Variants in PRKCB observed in about 807,000 individuals in gnomAD.
PRKCB encodes protein kinase C beta type.
PRKCB carries 13 observed loss-of-function variants against 81.5 expected under a neutral mutation model. The observed-to-expected ratio is 0.16, with a 90% CI of 0.10 to 0.25. The LOEUF (loss-of-function observed/expected upper bound fraction) is 0.25. Ranked by LOEUF, PRKCB falls within the 10% of genes least tolerant of loss-of-function variation. The pLI, the probability that PRKCB is intolerant of heterozygous loss-of-function variation, is 1.00. For synonymous variants in PRKCB, 335 were observed against 321.4 expected (o/e 1.04, Z -0.45); for missense variants, 509 against 875.7 (o/e 0.58, Z 5.29).
chr16:24,071,436 TAAAAAAAAAAAAAAAAA>T (rs398042091), intron 5 of PRKCB, among the ~76,000 whole-genome samples: 1 of 57,276 alleles, frequency 1.7e-5, no homozygotes, highest in African/African-American at 5.8e-5. Context: ...AGACCCTGTC[TAAAAAAAAAAAAAAAAA>T]AAAAAAAAAG....
At chr16:23,883,637 G>T (rs1052871497) in intron 2 of PRKCB, among the ~76,000 whole-genome samples, 2 of 152,224 alleles carry the variant, frequency 1.3e-5, no homozygotes, top group Admixed American at 1.3e-4. Context: ...GTGAGAGATG[G>T]TGTCTTTGTC....
intron 10 of PRKCB, among the ~76,000 whole-genome samples, chr16:24,161,579 G>T (rs1419414679): frequency 6.6e-6 from 1 of 152,150 alleles, no homozygotes; most frequent in Non-Finnish European, 1.5e-5. Flanking sequence ...CCAGAAGGGG[G>T]TTGAGTTTTC....
chr16:23,859,733 G>T (rs981692133), intron 2 of PRKCB, among the ~76,000 whole-genome samples: 1 of 152,060 alleles, frequency 6.6e-6, no homozygotes, highest in African/African-American at 2.4e-5. Flanking sequence ...AAGTACCCGG[G>T]GATGTTTAGC....
At chr16:24,168,798 A>G (rs925158230) in intron 10 of PRKCB, among the ~76,000 whole-genome samples, 7 of 138,876 alleles carry the variant, frequency 5.0e-5, no homozygotes, top group Admixed American at 7.6e-5. Flanking sequence ...GCCTCAAGTG[A>G]TTTTCCTGTC....
chr16:24,172,857 T>G (rs1338957259), intron 11 of PRKCB, among the ~76,000 whole-genome samples: 3 of 152,188 alleles, frequency 2.0e-5, no homozygotes, highest in Non-Finnish European at 4.4e-5. Flanking sequence ...ATTTTATGTG[T>G]CCATTTGCTA....
intron 5 of PRKCB, among the ~76,000 whole-genome samples, chr16:24,074,589 A>G (rs1480211582): frequency 6.6e-6 from 1 of 152,220 alleles, no homozygotes; most frequent in African/African-American, 2.4e-5. Context: ...TTGGCTTACT[A>G]AAAAAGAACA....
At chr16:23,867,228 C>T (rs1268320704) in intron 2 of PRKCB, among the ~76,000 whole-genome samples, 2 of 152,124 alleles carry the variant, frequency 1.3e-5, no homozygotes, top group African/African-American at 2.4e-5. Context: ...CAGGTTCAAG[C>T]GATTCTCCTG....
intron 16 of PRKCB, among the ~76,000 whole-genome samples, chr16:24,204,740 A>C (rs1298477438): frequency 6.6e-6 from 1 of 152,242 alleles, no homozygotes; most frequent in Non-Finnish European, 1.5e-5. Flanking sequence ...TCATCTATTC[A>C]TCCAGCCATC....
chr16:24,175,333 C>A (rs1471240718), intron 12 of PRKCB, among the ~76,000 whole-genome samples: 1 of 152,038 alleles, frequency 6.6e-6, no homozygotes, highest in African/African-American at 2.4e-5. Context: ...CCACAAGAGT[C>A]TCTTCCATTC....
chr16:23,904,025 C>A (rs748358714), intron 2 of PRKCB, among the ~76,000 whole-genome samples: 21 of 152,178 alleles, frequency 1.4e-4, no homozygotes, highest in Non-Finnish European at 2.6e-4. Flanking sequence ...TTCAAGTCCT[C>A]GTTTGTGTCT....
intron 9 of PRKCB, among the ~76,000 whole-genome samples, chr16:24,141,845 A>G (rs914720882): frequency 6.6e-6 from 1 of 152,122 alleles, no homozygotes; most frequent in African/African-American, 2.4e-5. Flanking sequence ...TTGTGTAAGG[A>G]TCTCCCAGGA....
chr16:24,178,998 T>G (rs1178841136), intron 12 of PRKCB, among the ~76,000 whole-genome samples: 1 of 152,226 alleles, frequency 6.6e-6, no homozygotes, highest in Non-Finnish European at 1.5e-5. Context: ...ACCCTCCCTC[T>G]AGGCTCTGCT....
At chr16:24,097,163 A>C (rs1041441234) in intron 7 of PRKCB, among the ~76,000 whole-genome samples, 1 of 150,438 alleles carries the variant, frequency 6.6e-6, no homozygotes, top group Non-Finnish European at 1.5e-5. Context: ...CAGCCTCCCG[A>C]GTAGCTGGGA....
chr16:24,113,505 C>G (rs1211736400), intron 8 of PRKCB, among the ~76,000 whole-genome samples: 2 of 129,176 alleles, frequency 1.5e-5, no homozygotes, highest in Non-Finnish European at 3.2e-5. Flanking sequence ...TTCCTCCCTT[C>G]CTTCTTTCCC....
intron 5 of PRKCB, among the ~76,000 whole-genome samples, chr16:24,066,253 A>G (rs1966033240): frequency 6.6e-6 from 1 of 151,770 alleles, no homozygotes; most frequent in Admixed American, 6.6e-5. Context: ...TGTATGTTAG[A>G]CCTTGGTACT....
At chr16:23,968,844 A>G (rs1255156343) in intron 2 of PRKCB, among the ~76,000 whole-genome samples, 1 of 152,190 alleles carries the variant, frequency 6.6e-6, no homozygotes, top group Non-Finnish European at 1.5e-5. Context: ...TTAAGTACTC[A>G]TAAATGCTGA....
At chr16:24,117,058 ATACTG>A (rs1966743788) in intron 8 of PRKCB, among the ~76,000 whole-genome samples, 1 of 145,768 alleles carries the variant, frequency 6.9e-6, no homozygotes, top group South Asian at 2.1e-4. Context: ...TAATCGCTGC[ATACTG>A]TACTTGTTGA....
chr16:23,989,397 C>T (rs546245928), intron 3 of PRKCB, among the ~76,000 whole-genome samples: 4 of 152,138 alleles, frequency 2.6e-5, no homozygotes, highest in African/African-American at 4.8e-5. Context: ...TTAGGGTGTT[C>T]CTAATATCAG....
chr16:24,204,075 C>T (rs1325142317), intron 16 of PRKCB, among the ~76,000 whole-genome samples: 13 of 152,020 alleles, frequency 8.6e-5, no homozygotes, highest in Non-Finnish European at 1.5e-4. Context: ...AGCCAGAGCA[C>T]AGCCCTGTCA....
Sources: gnomAD v4.1 joint callset for allele counts (sites outside exome capture counted in the v4.1 genomes callset) on GRCh38, gnomAD v4.1.1 for gene constraint, MANE v1.5 for transcripts, NCBI Gene and HGNC (gene_info 2026-07-23, HGNC 2026-07-21) for gene names.